Variants in CIROZ observed in about 807,000 individuals in gnomAD.
CIROZ encodes the protein ciliated left-right organizer ZP-N domains-containing protein.
At chr1:10,981,213 C>A in the CIROZ span, among the ~76,000 whole-genome samples, 1 of 152,160 alleles carries the variant, frequency 6.6e-6, no homozygotes, top group African/African-American at 2.4e-5. Flanking sequence ...CTTTGGGAGG[C>A]CGAGACAGGA....
chr1:10,950,281 C>T, the CIROZ span, among the ~76,000 whole-genome samples: 35 of 152,156 alleles, frequency 2.3e-4, no homozygotes, highest in Non-Finnish European at 3.7e-4. Context: ...ATGATCTGCC[C>T]GCCTTGGCCT....
chr1:10,948,149 C>T, the CIROZ span: 62 of 1,613,662 alleles, frequency 3.8e-5, no homozygotes, highest in East Asian at 5.6e-4. Context: ...TGGCATCCCT[C>T]GCTGGCAGGA....
chr1:10,949,442 G>T, the CIROZ span: 1 of 778,448 alleles, frequency 1.3e-6, no homozygotes, highest in Non-Finnish European at 2.0e-6. Context: ...TGGGGGCCCA[G>T]CTTTCTATGG....
At chr1:10,973,666 G>A in the CIROZ span, among the ~76,000 whole-genome samples, 1 of 152,114 alleles carries the variant, frequency 6.6e-6, no homozygotes, top group Admixed American at 6.5e-5. Flanking sequence ...GGAGCTGGTG[G>A]GAGCCCCGCC....
At chr1:10,965,291 A>G in the CIROZ span, among the ~76,000 whole-genome samples, 2 of 152,116 alleles carry the variant, frequency 1.3e-5, no homozygotes. Flanking sequence ...CCACTCAGGA[A>G]AAACTCTGGA....
the CIROZ span, among the ~76,000 whole-genome samples, chr1:10,974,810 T>G: frequency 6.6e-6 from 1 of 152,192 alleles, no homozygotes; most frequent in East Asian, 1.9e-4. The surrounding 1 kb of genome is among the most constrained non-coding windows in gnomAD (Gnocchi z 4.4). Flanking sequence ...CATTTAACCA[T>G]AAGTAACACA....
the CIROZ span, chr1:10,969,841 GGCCTTTGA>G: frequency 7.5e-7 from 1 of 1,339,838 alleles, no homozygotes; most frequent in Non-Finnish European, 9.7e-7. Flanking sequence ...GGGGGGAGGT[GGCCTTTGA>G]GCAGAGATTT....
At chr1:10,962,131 A>G in the CIROZ span, among the ~76,000 whole-genome samples, 2 of 151,986 alleles carry the variant, frequency 1.3e-5, no homozygotes, top group African/African-American at 2.4e-5. Flanking sequence ...ACTTTGTTTG[A>G]GCCGCACAGT....
chr1:10,976,145 G>T, the CIROZ span: 1 of 1,534,054 alleles, frequency 6.5e-7, no homozygotes. Context: ...ATAAAAGTGT[G>T]ATTGATTCAC....
chr1:10,973,725 A>G, the CIROZ span, among the ~76,000 whole-genome samples: 17 of 152,192 alleles, frequency 1.1e-4, no homozygotes, highest in African/African-American at 4.1e-4. Context: ...CAACCTCCCA[A>G]ACCGCAGCTG....
the CIROZ span, chr1:10,957,771 G>T: frequency 6.2e-7 from 1 of 1,607,288 alleles, no homozygotes; most frequent in South Asian, 1.1e-5. Flanking sequence ...AAGAGGACAC[G>T]ATCACAAACC....
the CIROZ span, among the ~76,000 whole-genome samples, chr1:10,979,180 C>T: frequency 6.6e-6 from 1 of 151,854 alleles, no homozygotes. Context: ...TTAGTAGAGT[C>T]GGGGGTTTCA....
chr1:10,959,349 A>G, the CIROZ span, among the ~76,000 whole-genome samples: 1 of 152,038 alleles, frequency 6.6e-6, no homozygotes, highest in Non-Finnish European at 1.5e-5. This position sits in a 1 kb window ranked among gnomAD's most constrained non-coding sequence, Gnocchi z 4.3. Context: ...ACCGCGCCTG[A>G]GTCTCACAGC....
the CIROZ span, chr1:10,953,978 G>A: frequency 1.3e-6 from 2 of 1,584,752 alleles, no homozygotes; most frequent in Non-Finnish European, 8.6e-7. Flanking sequence ...TGTGGTGTGT[G>A]CCTGTTACCA....
the CIROZ span, among the ~76,000 whole-genome samples, chr1:10,963,649 G>A: frequency 6.6e-6 from 1 of 151,918 alleles, no homozygotes; most frequent in Non-Finnish European, 1.5e-5. Context: ...GTTGGATGTG[G>A]GGCTCAACCT....
the CIROZ span, among the ~76,000 whole-genome samples, chr1:10,970,719 GTTCTAC>G: frequency 6.6e-6 from 1 of 152,124 alleles, no homozygotes; most frequent in East Asian, 1.9e-4. Context: ...AGATTCAGCA[GTTCTAC>G]CAAGTTCCCA....
At chr1:10,947,700 T>A in the CIROZ span, 9 of 1,537,030 alleles carry the variant, frequency 5.9e-6, no homozygotes, top group South Asian at 1.0e-4. Flanking sequence ...CTCCACACTG[T>A]CTTGAAGCTC....
At chr1:10,951,198 C>T in the CIROZ span, among the ~76,000 whole-genome samples, 1 of 152,168 alleles carries the variant, frequency 6.6e-6, no homozygotes, top group Admixed American at 6.6e-5. Context: ...CTTCGGGAGG[C>T]CAAGGCAGGA....
At chr1:10,953,968 T>C in the CIROZ span, 1 of 1,569,178 alleles carries the variant, frequency 6.4e-7, no homozygotes, top group Non-Finnish European at 8.6e-7. Context: ...AGAGGGTTTG[T>C]GTGGTGTGTG....
Sources: allele counts gnomAD v4.1 joint callset (sites outside exome capture counted in the v4.1 genomes callset), GRCh38; gene constraint gnomAD v4.1.1; non-coding constraint Gnocchi (gnomAD v3.1); transcripts MANE v1.5; gene names NCBI Gene and HGNC (gene_info 2026-07-23, HGNC 2026-07-21).